GALNT5: variants seen among roughly 807,000 people sequenced by gnomAD.
GALNT5 encodes the protein UDP-GalNAc:polypeptide N-acetylgalactosaminyltransferase 5.
GALNT5 carries 72 observed loss-of-function variants against 85.4 expected under a neutral mutation model. The ratio of observed to expected loss-of-function variants is 0.84; its 90% CI spans 0.70 to 1.03. The LOEUF (loss-of-function observed/expected upper bound fraction) is 1.03. GALNT5 is among the 50% of genes least tolerant of loss of function. GALNT5 has a pLI of 0.00. For missense variants in GALNT5, 1,137 were observed against 1,135.5 expected (o/e 1.00, Z -0.02); for synonymous variants, 404 against 397.0 (o/e 1.02, Z -0.21).
At chr2:157,275,332 T>C (rs985005819) in intron 1 of GALNT5, among the ~76,000 whole-genome samples, 2 of 152,198 alleles carry the variant, frequency 1.3e-5, no homozygotes, top group African/African-American at 4.8e-5. Flanking sequence ...TGGTTCCATA[T>C]GAACTTTAAA....
chr2:157,301,669 A>G (rs1683345858), intron 7 of GALNT5: 1 of 152,340 alleles, frequency 6.6e-6, no homozygotes, highest in Non-Finnish European at 1.5e-5. Flanking sequence ...CAAAGTAAGG[A>G]TTTTATTTCT....
chr2:157,303,331 GA>G (rs1437554306), intron 7 of GALNT5, among the ~76,000 whole-genome samples: 2 of 152,064 alleles, frequency 1.3e-5, no homozygotes, highest in East Asian at 3.9e-4. Context: ...GACAACATTT[GA>G]AGCTAATGAA....
At chr2:157,291,640 C>CG (rs373153123) in intron 3 of GALNT5, among the ~76,000 whole-genome samples, 5 of 143,670 alleles carry the variant, frequency 3.5e-5, no homozygotes, top group South Asian at 2.4e-4. Flanking sequence ...CCCACCCCCC[C>CG]CCAGATTTTT....
intron 1 of GALNT5, among the ~76,000 whole-genome samples, chr2:157,276,262 G>A (rs1682722145): frequency 6.6e-6 from 1 of 152,132 alleles, no homozygotes; most frequent in African/African-American, 2.4e-5. Flanking sequence ...TGTTCATCAG[G>A]GATATTGGTC....
In GALNT5 at chr2:157,301,040, C is replaced by T. The variant is rs192926221; in HGVS notation, c.2439+41C>T. On this transcript the variant is annotated intron_variant, in intron 7 of 9. Transcript: ENST00000259056. ...AATTTAAAATCTTACTCCATAAAAACAAAACACAAAATCTCTTTCAAAAAT... is the reference window on the plus strand; with the variant it reads ...AATTTAAAATCTTACTCCATAAAAATAAAACACAAAATCTCTTTCAAAAAT... 1.3e-3 allele frequency: 1,755 copies of T among 1,381,710 alleles called. 3 individuals carry two copies. Among genetic ancestry groups the T allele is most frequent in the Non-Finnish European group, 1.5e-3 (1,450 of 993,068 alleles). 85.6% of individuals were successfully genotyped at this position (1,381,710 alleles called of 1,614,324 possible).
Position 157,312,618 on chromosome 2 carries a change from A to G in GALNT5, c.*1270A>G, listed in dbSNP as rs1458971360. 1 of 152,202 alleles carries G rather than the reference A, an allele frequency of 6.6e-6. No homozygotes were observed. The highest frequency in any genetic ancestry group is 2.4e-5 in the African/African-American group (1 of 41,470). The allele number at this position is 152,202 out of a possible 1,614,324, so 9.4% of individuals were successfully genotyped here. ...CATACCAGAAGACACCTTAGAAATC[A>G]GGATAGCCTTTGCATTCATTTTGGT... On this transcript the variant is annotated 3_prime_UTR_variant, in exon 10 of 10. Transcript: ENST00000259056.
In GALNT5 at chr2:157,266,776, G is replaced by C. The variant is rs1358230681; in HGVS notation, c.1454+7240G>C. Among the ~76,000 whole-genome samples the C allele has an allele frequency of 6.6e-5, 10 of 152,250 alleles. No homozygotes were observed. The East Asian group carries it at 1.9e-3, about 29-fold the overall frequency. ...TTTAATTCTAGTGTTCTTTCCACAG[G>C]TGACAGCTTTTCCTTCCTTTGTTTC... On this transcript the variant is annotated intron_variant, in intron 1 of 9. Coordinates refer to ENST00000259056, the MANE Select transcript of GALNT5 (RefSeq NM_014568.3).
At chr2:157,282,785 T>A (rs919309431) in intron 1 of GALNT5, among the ~76,000 whole-genome samples, 8 of 152,314 alleles carry the variant, frequency 5.3e-5, no homozygotes, top group African/African-American at 1.9e-4. Flanking sequence ...TTTCCTTATA[T>A]ATCCTATCTA....
chr2:157,303,450 G>T (rs1683389938), intron 7 of GALNT5, among the ~76,000 whole-genome samples: 1 of 152,070 alleles, frequency 6.6e-6, no homozygotes. Flanking sequence ...TCCTAAATTG[G>T]AAAATGAAAT....
At position 157,311,963 on chromosome 2, in the gene GALNT5, A is replaced by G. The variant is rs1683582990; in HGVS notation, c.*615A>G. On this transcript the variant is annotated 3_prime_UTR_variant, in exon 10 of 10. Transcript: ENST00000259056. ...TTACATAATGGTTTTTCCCAATCTG[A>G]ATCAGTGGAAAAAAATTTAAGTGAG... The G allele has an allele frequency of 6.6e-6, 1 of 152,164 alleles. No individual in the cohort carries two copies. The highest frequency in any genetic ancestry group is 6.6e-5 in the Admixed American group (1 of 15,258). The allele number at this position is 152,164 out of a possible 1,614,324, so 9.4% of individuals were successfully genotyped here. A position where few individuals can be genotyped will look rare whatever the true frequency, so the allele number is the denominator to read the frequency against.
chr2:157,258,651 G>T lies in GALNT5; in HGVS notation c.569G>T (p.Arg190Leu), dbSNP rs1341047438. 6.2e-7 allele frequency: 1 copy of T among 1,613,740 alleles called. No homozygotes were observed. The highest frequency in any genetic ancestry group is 8.5e-7 in the Non-Finnish European group (1 of 1,179,924). ...GTCAAAATATCAGTACACATGGGAC[G>T]TGTCAGTTTAAAACAGGAGCCCCGG... ...QVVKISVHMGRVSLKQEPRKS... is the reference protein window; with the variant it reads ...QVVKISVHMGLVSLKQEPRKS... The change falls in exon 1 of 10, where the codon CGT becomes CTT. Residue 190 changes from arginine to leucine, a missense_variant. By Grantham distance (102) the Arg-to-Leu change is moderately radical (BLOSUM62 -2). Coordinates refer to ENST00000259056, the MANE Select transcript of GALNT5 (RefSeq NM_014568.3).
intron 3 of GALNT5, 88 bp from the exon 4 acceptor site, chr2:157,295,575 G>A (rs1183595446): frequency 1.0e-6 from 1 of 996,542 alleles, no homozygotes; most frequent in African/African-American, 1.6e-5. Context: ...CCACATTTCT[G>A]GAGCAATCAT....
At chr2:157,310,568 T>C (rs904048230) in intron 9 of GALNT5, among the ~76,000 whole-genome samples, 1 of 152,194 alleles carries the variant, frequency 6.6e-6, no homozygotes, top group East Asian at 1.9e-4. Flanking sequence ...GTCATAGTCA[T>C]ACGTAATTAA....
chr2:157,284,235 G>A (rs1254060880), intron 1 of GALNT5, 47 bp from the exon 2 acceptor site: 10 of 1,544,314 alleles, frequency 6.5e-6, no homozygotes, highest in Non-Finnish European at 8.9e-6. Flanking sequence ...ACTATCTTGT[G>A]GATCTCCTTA....
chr2:157,286,670 A>AT (rs1469676391), intron 3 of GALNT5, among the ~76,000 whole-genome samples: 6 of 151,752 alleles, frequency 4.0e-5, no homozygotes, highest in Non-Finnish European at 7.4e-5. Context: ...TGCCCGGCTA[A>AT]TTTTTTGTAT....
At chr2:157,281,558 A>T (rs1682853998) in intron 1 of GALNT5, among the ~76,000 whole-genome samples, 2 of 152,176 alleles carry the variant, frequency 1.3e-5, no homozygotes, top group South Asian at 2.1e-4. Context: ...GCTCCTATCA[A>T]ATTGCGCCAT....
chr2:157,277,211 T>G (rs1682749885), intron 1 of GALNT5, among the ~76,000 whole-genome samples: 1 of 152,232 alleles, frequency 6.6e-6, no homozygotes, highest in African/African-American at 2.4e-5. Flanking sequence ...TTCTGTTATT[T>G]TACATTTGCT....
chr2:157,291,137 C>T (rs1683088656), intron 3 of GALNT5, among the ~76,000 whole-genome samples: 1 of 152,098 alleles, frequency 6.6e-6, no homozygotes, highest in Admixed American at 6.5e-5. Flanking sequence ...AGTAGATCAC[C>T]CATATCCCTT....
In GALNT5 at chr2:157,266,234, A is replaced by G. The variant is rs189971755; in HGVS notation, c.1454+6698A>G. ...GGCCATGCCAGATTAGCAAAGTGTTACCTCTCTTTATTAACAGATGAGGGG... is the reference window on the plus strand; with the variant it reads ...GGCCATGCCAGATTAGCAAAGTGTTGCCTCTCTTTATTAACAGATGAGGGG... On this transcript the variant is annotated intron_variant, in intron 1 of 9. Coordinates refer to ENST00000259056, the MANE Select transcript of GALNT5 (RefSeq NM_014568.3). 1.7e-3 allele frequency among the ~76,000 whole-genome samples: 262 copies of G among 152,236 alleles called. 2 individuals are homozygous for G. The highest frequency in any genetic ancestry group is 6.0e-3 in the African/African-American group (249 of 41,544).
Sources: gnomAD v4.1 joint callset for allele counts (sites outside exome capture counted in the v4.1 genomes callset) on GRCh38, gnomAD v4.1.1 for gene constraint, MANE v1.5 for transcripts, NCBI Gene and HGNC (gene_info 2026-07-23, HGNC 2026-07-21) for gene names.